The following EYA4 variants were observed in gnomAD, a reference collection of about 807,000 sequenced individuals.
EYA4 encodes the protein protein phosphatase EYA4.
In EYA4, 31 loss-of-function variants were observed where a neutral mutation model predicts 87.9. The ratio of observed to expected loss-of-function variants is 0.35; its 90% CI spans 0.27 to 0.48. EYA4 has a LOEUF of 0.48. Among genes scored for constraint, EYA4 ranks in the 20% least tolerant of loss-of-function variants. EYA4 has a pLI of 0.99. For synonymous variants in EYA4, 263 were observed against 270.6 expected (o/e 0.97, Z 0.28); for missense variants, 678 against 761.4 (o/e 0.89, Z 1.29).
chr6:133,309,612 G>A (rs534453337), intron 2 of EYA4, among the ~76,000 whole-genome samples: 1 of 152,220 alleles, frequency 6.6e-6, no homozygotes, highest in South Asian at 2.1e-4. Context: ...TACCATTCTG[G>A]CTTCTTTCCT....
intron 2 of EYA4, among the ~76,000 whole-genome samples, chr6:133,277,927 T>G (rs893758600): frequency 1.3e-5 from 2 of 152,178 alleles, no homozygotes; most frequent in Non-Finnish European, 2.9e-5. Flanking sequence ...AGATCTTTAT[T>G]TTATCTCTTG....
At chr6:133,332,178 A>G (rs1782016816) in intron 2 of EYA4, among the ~76,000 whole-genome samples, 1 of 152,190 alleles carries the variant, frequency 6.6e-6, no homozygotes, top group Non-Finnish European at 1.5e-5. Flanking sequence ...TGAATGGAAG[A>G]TGGCCATAAA....
chr6:133,347,648 T>C (rs894889244), intron 2 of EYA4, among the ~76,000 whole-genome samples: 1 of 152,236 alleles, frequency 6.6e-6, no homozygotes, highest in Non-Finnish European at 1.5e-5. Context: ...GCCAGCATTT[T>C]TCATGGATTA....
At chr6:133,498,517 T>C (rs903397953) in intron 13 of EYA4, among the ~76,000 whole-genome samples, 7 of 152,200 alleles carry the variant, frequency 4.6e-5, no homozygotes, top group Non-Finnish European at 1.0e-4. Context: ...TCTAAGGAAA[T>C]TTGCATTTTA....
At chr6:133,365,903 C>G (rs1043901121) in intron 2 of EYA4, among the ~76,000 whole-genome samples, 4 of 152,148 alleles carry the variant, frequency 2.6e-5, no homozygotes, top group African/African-American at 9.7e-5. Flanking sequence ...GGAGTATAGT[C>G]TCTTCCCATT....
rs571166142 is a variant in EYA4, at chr6:133,390,864, G to A, written c.83+8423G>A. Among the ~76,000 whole-genome samples, 6 of 152,292 alleles carry A rather than the reference G, an allele frequency of 3.9e-5. No homozygotes were observed. In the South Asian group the frequency reaches 1.2e-3, roughly 32 times the overall value. On this transcript the variant is annotated intron_variant, in intron 3 of 19. Transcript: ENST00000355286. ...AGTGCAGTTTGAGCACTGGGGGTTA[G>A]TGTGGTTAGGAAGGGCTTCATAGAA...
intron 2 of EYA4, among the ~76,000 whole-genome samples, chr6:133,286,526 A>C (rs1248421444): frequency 6.6e-6 from 1 of 152,196 alleles, no homozygotes; most frequent in East Asian, 1.9e-4. Flanking sequence ...CCTAATACCC[A>C]TAAGCAATGA....
At chr6:133,387,925 T>A (rs1786892991) in intron 3 of EYA4, among the ~76,000 whole-genome samples, 1 of 152,158 alleles carries the variant, frequency 6.6e-6, no homozygotes, top group African/African-American at 2.4e-5. Context: ...GCTGACAGAT[T>A]CCTGCAGATA....
intron 3 of EYA4, among the ~76,000 whole-genome samples, chr6:133,417,518 A>C (rs924725173): frequency 6.6e-6 from 1 of 152,210 alleles, no homozygotes; most frequent in African/African-American, 2.4e-5. Flanking sequence ...AGATAAACTC[A>C]TAGGACTTGT....
Position 133,522,806 on chromosome 6 carries a change from C to G in EYA4, c.1617-250C>G, listed in dbSNP as rs188914448. ...TTTTGTAACATTTGCCTACGTATGACTTTTAATAGCATATTGTTTTGACGA... is the reference window on the plus strand; with the variant it reads ...TTTTGTAACATTTGCCTACGTATGAGTTTTAATAGCATATTGTTTTGACGA... On this transcript the variant is annotated intron_variant, in intron 17 of 19. Transcript: ENST00000355286. 5.9e-5 allele frequency among the ~76,000 whole-genome samples: 9 copies of G among 152,192 alleles called. No homozygotes were observed. In the East Asian group the frequency reaches 1.7e-3, roughly 29 times the overall value.
intron 16 of EYA4, among the ~76,000 whole-genome samples, chr6:133,513,913 C>T (rs1799376512): frequency 6.6e-6 from 1 of 151,972 alleles, no homozygotes; most frequent in South Asian, 2.1e-4. Context: ...CATATATTCA[C>T]ATATATATCA....
chr6:133,362,956 T>C (rs1784565877), intron 2 of EYA4, among the ~76,000 whole-genome samples: 1 of 152,198 alleles, frequency 6.6e-6, no homozygotes, highest in African/African-American at 2.4e-5. Flanking sequence ...GCTGGGAAAC[T>C]CTGGCGAGGG....
intron 1 of EYA4, among the ~76,000 whole-genome samples, chr6:133,245,581 A>G (rs1349922782): frequency 6.6e-6 from 1 of 152,204 alleles, no homozygotes; most frequent in African/African-American, 2.4e-5. Context: ...TGCTTCTCTC[A>G]TGAATTTTTC....
At chr6:133,453,205 G>A (rs1000382007) in intron 5 of EYA4, among the ~76,000 whole-genome samples, 8 of 151,926 alleles carry the variant, frequency 5.3e-5, no homozygotes, top group African/African-American at 1.9e-4. Context: ...TCTTACTAAT[G>A]AACATTTTTC....
intron 5 of EYA4, among the ~76,000 whole-genome samples, chr6:133,448,506 A>G (rs954961446): frequency 6.6e-6 from 1 of 152,200 alleles, no homozygotes; most frequent in Non-Finnish European, 1.5e-5. Context: ...CATGTCAAAC[A>G]GCAATTGAAG....
chr6:133,328,259 A>G (rs1781658216), intron 2 of EYA4, among the ~76,000 whole-genome samples: 1 of 152,206 alleles, frequency 6.6e-6, no homozygotes, highest in Non-Finnish European at 1.5e-5. Context: ...CACTTAGAAC[A>G]CTTAAAATAT....
chr6:133,343,253 A>G (rs954246784), intron 2 of EYA4, among the ~76,000 whole-genome samples: 3 of 152,202 alleles, frequency 2.0e-5, no homozygotes, highest in South Asian at 2.1e-4. Flanking sequence ...TAATTCTTGC[A>G]TGTGACTCCT....
At chr6:133,314,103 A>G (rs1004570791) in intron 2 of EYA4, among the ~76,000 whole-genome samples, 6 of 152,222 alleles carry the variant, frequency 3.9e-5, no homozygotes, top group Non-Finnish European at 8.8e-5. Context: ...ATGGAGGTAC[A>G]TATGTGGTTA....
At chr6:133,394,892 C>A (rs983069787) in intron 3 of EYA4, among the ~76,000 whole-genome samples, 4 of 152,176 alleles carry the variant, frequency 2.6e-5, no homozygotes, top group Non-Finnish European at 4.4e-5. Flanking sequence ...CTTTAGTAAT[C>A]CCTGAGGACA....
Sources: allele counts gnomAD v4.1 joint callset (sites outside exome capture counted in the v4.1 genomes callset), GRCh38; gene constraint gnomAD v4.1.1; transcripts MANE v1.5; gene names NCBI Gene and HGNC (gene_info 2026-07-23, HGNC 2026-07-21).